The following ZDHHC20 variants were observed in gnomAD, a reference collection of about 807,000 sequenced individuals.
ZDHHC20 encodes the protein palmitoyltransferase ZDHHC20.
In ZDHHC20, 43 loss-of-function variants were observed where a neutral mutation model predicts 57.8. The observed-to-expected ratio is 0.74, with a 90% CI of 0.58 to 0.96. The LOEUF (loss-of-function observed/expected upper bound fraction) is 0.96, where lower values mean the gene tolerates loss of function less well. Among genes scored for constraint, ZDHHC20 ranks in the 40% least tolerant of loss-of-function variants. The pLI is 0.00. For missense variants in ZDHHC20, 391 were observed against 441.1 expected (o/e 0.89, Z 1.02); for synonymous variants, 157 against 153.0 (o/e 1.03, Z -0.19).
intron 1 of ZDHHC20, among the ~76,000 whole-genome samples, chr13:21,453,768 C>T (rs1884668952): frequency 6.6e-6 from 1 of 152,202 alleles, no homozygotes; most frequent in South Asian, 2.1e-4. Flanking sequence ...AGGGTGGAAG[C>T]TGCAGTGAGC....
intron 7 of ZDHHC20, among the ~76,000 whole-genome samples, chr13:21,396,209 A>T (rs767282346): frequency 1.3e-5 from 2 of 152,120 alleles, no homozygotes; most frequent in Non-Finnish European, 2.9e-5. Context: ...TGAGTAACAA[A>T]CTATCTTTTC....
intron 1 of ZDHHC20, among the ~76,000 whole-genome samples, chr13:21,448,066 T>C (rs1197035667): frequency 7.9e-6 from 1 of 125,846 alleles, no homozygotes; most frequent in African/African-American, 3.0e-5. Flanking sequence ...GTCTGAAAAG[T>C]GAGGAGCCCC....
chr13:21,442,887 T>A (rs924036954), intron 1 of ZDHHC20, among the ~76,000 whole-genome samples: 15 of 152,258 alleles, frequency 9.9e-5, no homozygotes, highest in Non-Finnish European at 1.6e-4. Context: ...CTGAAAAGAC[T>A]GATTCTCATT....
chr13:21,412,645 C>G (rs1879372614), intron 4 of ZDHHC20, among the ~76,000 whole-genome samples: 2 of 152,018 alleles, frequency 1.3e-5, no homozygotes, highest in Admixed American at 1.3e-4. Flanking sequence ...ATACAGACCA[C>G]CTAGAAGACC....
At chr13:21,387,769 T>G (rs79987185) in intron 8 of ZDHHC20, 135 bp from the exon 9 acceptor site, 13,745 of 448,482 alleles carry the variant, frequency 0.031, 1,437 homozygotes, top group African/African-American at 0.24. Context: ...AATACATTAG[T>G]AGCAATTAAA....
chr13:21,439,848 C>T (rs905716685), intron 1 of ZDHHC20, among the ~76,000 whole-genome samples: 1 of 152,026 alleles, frequency 6.6e-6, no homozygotes, highest in Non-Finnish European at 1.5e-5. Flanking sequence ...AGGTGGATCA[C>T]CTGAGGTCAC....
intron 1 of ZDHHC20, among the ~76,000 whole-genome samples, chr13:21,448,331 C>G (rs1593283335): frequency 9.2e-6 from 1 of 108,712 alleles, no homozygotes; most frequent in South Asian, 2.9e-4. Flanking sequence ...GGGGGTCAGC[C>G]CCCCGCCCGG....
chr13:21,442,320 C>CAA (rs1883258412), intron 1 of ZDHHC20, among the ~76,000 whole-genome samples: 1 of 152,174 alleles, frequency 6.6e-6, no homozygotes, highest in Admixed American at 6.6e-5. Context: ...ACTGTATCTT[C>CAA]AATCACATCT....
intron 12 of ZDHHC20, 172 bp from the exon 13 acceptor site, chr13:21,376,827 G>A (rs1223958778): frequency 2.0e-5 from 8 of 399,236 alleles, no homozygotes; most frequent in Non-Finnish European, 3.6e-5. Context: ...CAGTAAATGA[G>A]TGGGTATTAC....
At position 21,400,358 on chromosome 13, in the gene ZDHHC20, G is replaced by A; in HGVS notation, c.594+15C>T. ...AGTCTTAAATACATGTTTCAAGATA[G>A]AAAAAAAGACTTACCGTCCAAAATT... On this transcript the variant is annotated intron_variant, in intron 7 of 12. Coordinates refer to ENST00000400590, the MANE Select transcript of ZDHHC20 (RefSeq NM_001330059.2). The A allele has an allele frequency of 6.4e-7, 1 of 1,569,818 alleles. No individual in the cohort carries two copies. Among genetic ancestry groups the A allele is most frequent in the Non-Finnish European group, 8.6e-7 (1 of 1,167,140 alleles).
chr13:21,428,369 C>T (rs925580798), intron 1 of ZDHHC20, among the ~76,000 whole-genome samples: 9 of 151,532 alleles, frequency 5.9e-5, no homozygotes, highest in Non-Finnish European at 1.0e-4. Context: ...TACAGGTGCA[C>T]GCCACCATGC....
chr13:21,387,461 A>C, intron 9 of ZDHHC20, 47 bp downstream of exon 9: 1 of 1,387,772 alleles, frequency 7.2e-7, no homozygotes, highest in Non-Finnish European at 9.4e-7. Context: ...AGAAAAAGAG[A>C]CTACCACAGA....
intron 11 of ZDHHC20, among the ~76,000 whole-genome samples, chr13:21,379,034 A>G (rs980803128): frequency 6.6e-6 from 1 of 152,186 alleles, no homozygotes; most frequent in Non-Finnish European, 1.5e-5. Flanking sequence ...GTTATTTTTT[A>G]GAGACGGGCC....
At chr13:21,427,321 C>CT (rs1308594381) in intron 1 of ZDHHC20, among the ~76,000 whole-genome samples, 1 of 152,094 alleles carries the variant, frequency 6.6e-6, no homozygotes, top group Non-Finnish European at 1.5e-5. Context: ...AATGACCTTC[C>CT]TAAGGTCACA....
intron 12 of ZDHHC20, 115 bp downstream of exon 12, chr13:21,378,546 T>C: frequency 2.1e-6 from 1 of 472,824 alleles, no homozygotes; most frequent in Non-Finnish European, 3.4e-6. Flanking sequence ...CTGTACTGCC[T>C]AATTTTGCTG....
intron 2 of ZDHHC20, among the ~76,000 whole-genome samples, chr13:21,423,950 C>T (rs1880953179): frequency 6.6e-6 from 1 of 151,788 alleles, no homozygotes; most frequent in Admixed American, 6.6e-5. Flanking sequence ...CTTTGAGATA[C>T]TTTAAATGTA....
At chr13:21,389,698 A>G (rs1875295526) in intron 8 of ZDHHC20, among the ~76,000 whole-genome samples, 1 of 152,148 alleles carries the variant, frequency 6.6e-6, no homozygotes, top group Non-Finnish European at 1.5e-5. Flanking sequence ...GCAGCAAATG[A>G]CAGTGTCCAC....
intron 1 of ZDHHC20, among the ~76,000 whole-genome samples, chr13:21,433,137 CT>C (rs1186630067): frequency 1.3e-5 from 2 of 151,770 alleles, no homozygotes; most frequent in East Asian, 3.9e-4. Flanking sequence ...TTATTTTTAC[CT>C]TTTTTAGAGA....
chr13:21,413,570 G>T, intron 4 of ZDHHC20, 82 bp downstream of exon 4: 1 of 1,342,616 alleles, frequency 7.4e-7, no homozygotes, highest in Non-Finnish European at 9.9e-7. Context: ...CCATTTAATA[G>T]TCAAACCATG....
Sources: allele counts gnomAD v4.1 joint callset (sites outside exome capture counted in the v4.1 genomes callset), GRCh38; gene constraint gnomAD v4.1.1; transcripts MANE v1.5; gene names NCBI Gene and HGNC (gene_info 2026-07-23, HGNC 2026-07-21).